The following ATP8B1 variants were observed in gnomAD, a reference collection of about 807,000 sequenced individuals.
The protein encoded by ATP8B1 is phospholipid-transporting ATPase IC.
A neutral mutation model predicts 149.9 loss-of-function variants in ATP8B1; 80 were observed. That is an observed-to-expected ratio of 0.53 (90% CI 0.45 to 0.64). ATP8B1 has a LOEUF of 0.64. ATP8B1 is among the 30% of genes least tolerant of loss of function. ATP8B1 has a pLI of 0.00. For missense variants in ATP8B1, 1,247 were observed against 1,552.6 expected (o/e 0.80, Z 3.31); for synonymous variants, 536 against 562.8 (o/e 0.95, Z 0.67).
intron 16 of ATP8B1, among the ~76,000 whole-genome samples, chr18:57,672,459 T>TA (rs1485080865): frequency 3.3e-5 from 5 of 152,208 alleles, no homozygotes; most frequent in Non-Finnish European, 7.3e-5. Context: ...GTGTAATAGT[T>TA]AAACCTGTAT....
At position 57,652,080 on chromosome 18, in the gene ATP8B1, A is replaced by G. The variant is rs1044664913; in HGVS notation, c.3354T>C (p.His1118=). ...GAAAGAGAACATGTATTCCAGCACTATGAAAGTCAAACATGATGCCAAAAT... is the reference window on the plus strand; with the variant it reads ...GAAAGAGAACATGTATTCCAGCACTGTGAAAGTCAAACATGATGCCAAAAT... ...ALYFGIMFDF[H]SAGIHVLFPS... The change falls in exon 26 of 28, where the codon CAT becomes CAC. Residue 1118 remains histidine, a synonymous_variant. Coordinates refer to ENST00000648908, the MANE Select transcript of ATP8B1 (RefSeq NM_001374385.1). 1.2e-6 allele frequency: 2 copies of G among 1,613,978 alleles called. No homozygotes were observed. The highest frequency in any genetic ancestry group is 1.7e-5 in the Admixed American group (1 of 60,000).
rs796584334 is a variant in ATP8B1, at chr18:57,713,263, C to CTCTT, written c.182-6680_182-6677dup. On this transcript the variant is annotated intron_variant, in intron 2 of 27. Coordinates refer to ENST00000648908, the MANE Select transcript of ATP8B1 (RefSeq NM_001374385.1). ...TCCTTCTTTCTTTCTTTCTTTCTTT[C>CTCTT]TCTTTCTTTCTTTCTTTTTTCTTTC... Among the ~76,000 whole-genome samples, 165 of 94,496 alleles carry CTCTT rather than the reference C, an allele frequency of 1.7e-3. 3 individuals are homozygous for CTCTT. The highest frequency in any genetic ancestry group is 6.7e-3 in the African/African-American group (158 of 23,748). The allele number at this position is 94,496 out of a possible 152,430, so 62.0% of individuals were successfully genotyped here.
chr18:57,650,408 G>A lies in ATP8B1; in HGVS notation c.3490C>T (p.Arg1164Ter), dbSNP rs369054652. 4.3e-6 allele frequency: 7 copies of A among 1,613,772 alleles called. No individual in the cohort carries two copies. Among genetic ancestry groups the A allele is most frequent in the South Asian group, 1.1e-5 (1 of 91,070 alleles). Residue 1164 changes from arginine to a stop codon, truncating the protein, a stop_gained, in exon 27 of 28, where the codon CGA (arginine) becomes TGA (stop). Transcript: ENST00000648908. LOFTEE classifies it high-confidence loss of function. Reference protein sequence around the residue: ...AVCLLPVVAIRFLSMTIWPSE... With the variant: ...AVCLLPVVAI ...GGCCAGATGGTCATTGACAGGAATCGAATGGCAACGACGGGTAGTAAGCAC... is the reference window on the plus strand; with the variant it reads ...GGCCAGATGGTCATTGACAGGAATCAAATGGCAACGACGGGTAGTAAGCAC...
chr18:57,690,898 G>A (rs947544389), intron 12 of ATP8B1, among the ~76,000 whole-genome samples: 6 of 152,106 alleles, frequency 3.9e-5, no homozygotes, highest in African/African-American at 1.2e-4. Flanking sequence ...GAAAAAGGCC[G>A]GGTGTGGTGG....
chr18:57,693,811 GT>G (rs1415058298), intron 11 of ATP8B1, among the ~76,000 whole-genome samples: 2 of 152,146 alleles, frequency 1.3e-5, no homozygotes, highest in Non-Finnish European at 2.9e-5. Context: ...GGAGTCTAGA[GT>G]TTTTTTGTTA....
In ATP8B1 at chr18:57,768,403, A is replaced by G. The variant is rs562796476; in HGVS notation, c.-26+34595T>C. ...CCCTGTCTCAAAAAAAAAAAAAAAA[A>G]AAAAAAAGAAAAGAAAAGAAAAGAA... On this transcript the variant is annotated intron_variant, in intron 1 of 27. Transcript: ENST00000648908. Among the ~76,000 whole-genome samples the G allele has an allele frequency of 6.2e-4, 93 of 149,922 alleles. 1 individual carries two copies. The highest frequency in any genetic ancestry group is 3.2e-3 in the Admixed American group (48 of 15,048).
chr18:57,771,872 G>GA (rs1233171476), intron 1 of ATP8B1, among the ~76,000 whole-genome samples: 4 of 151,994 alleles, frequency 2.6e-5, no homozygotes, highest in Non-Finnish European at 5.9e-5. Flanking sequence ...AAATACCTGG[G>GA]AAAAAACCAG....
chr18:57,669,255 CTT>C (rs1467084901), intron 18 of ATP8B1, 61 bp downstream of exon 18: 11 of 1,481,812 alleles, frequency 7.4e-6, no homozygotes, highest in African/African-American at 1.4e-5. Flanking sequence ...TTCAATAAAA[CTT>C]AATAAAAATT....
chr18:57,777,130 A>G (rs1390710085), intron 1 of ATP8B1, among the ~76,000 whole-genome samples: 1 of 152,088 alleles, frequency 6.6e-6, no homozygotes, highest in African/African-American at 2.4e-5. Context: ...GGCATGTGCC[A>G]CCACACCCAG....
intron 2 of ATP8B1, among the ~76,000 whole-genome samples, chr18:57,729,691 C>A (rs367856054): frequency 6.6e-6 from 1 of 151,972 alleles, no homozygotes; most frequent in East Asian, 1.9e-4. Flanking sequence ...GCTGGGACTA[C>A]AGGCACTTGC....
intron 14 of ATP8B1, among the ~76,000 whole-genome samples, chr18:57,684,616 G>A (rs977949746): frequency 1.3e-5 from 2 of 152,234 alleles, no homozygotes; most frequent in East Asian, 3.9e-4. Context: ...CTCCCAAAGT[G>A]CTGGGATTAC....
intron 22 of ATP8B1, among the ~76,000 whole-genome samples, chr18:57,657,402 A>T (rs1209855924): frequency 1.3e-5 from 2 of 152,210 alleles, no homozygotes; most frequent in Non-Finnish European, 2.9e-5. Flanking sequence ...AGACAAGATC[A>T]TTTAGAAAAG....
At position 57,784,649 on chromosome 18, in the gene ATP8B1, G is replaced by A. The variant is rs2080389911; in HGVS notation, c.-26+18349C>T. ...TTCAATGCTCGAGGTGCTGTGTTTA[G>A]GGGCATGCAGGAGAGTATTATGAAA... On this transcript the variant is annotated intron_variant, in intron 1 of 27. Coordinates refer to ENST00000648908, the MANE Select transcript of ATP8B1 (RefSeq NM_001374385.1). The surrounding 1 kb of genome is among the most constrained non-coding windows in gnomAD (Gnocchi z 4.4). Among the ~76,000 whole-genome samples the A allele has an allele frequency of 6.6e-6, 1 of 151,868 alleles. No homozygotes were observed. Among genetic ancestry groups the A allele is most frequent in the Non-Finnish European group, 1.5e-5 (1 of 68,032 alleles).
rs146405857 is a variant in ATP8B1, at chr18:57,648,517, C to T, written c.3727G>A (p.Ala1243Thr). ...PLDAIVADGT[A>T]EYRRTGDS is the part of the protein sequence containing the mutation. ...CTGTCCCCGGTGCGCCTGTACTCCG[C>T]GGTGCCATCCGCCACGATGGCATCA... is the stretch of plus-strand genomic sequence containing the variant. Residue 1243 changes from alanine to threonine, a missense_variant, in exon 28 of 28, where the codon GCG becomes ACG. This residue lies in a region of ATP8B1 where 164 missense variants were observed against 160.3 expected (regional missense o/e 1.02). Coordinates refer to ENST00000648908, the MANE Select transcript of ATP8B1 (RefSeq NM_001374385.1). 2.6e-5 allele frequency: 42 copies of T among 1,611,264 alleles called. No individual in the cohort carries two copies. The highest frequency in any genetic ancestry group is 2.3e-4 in the Admixed American group (14 of 60,014).
At chr18:57,701,424 A>T (rs1479029485) in intron 4 of ATP8B1, 111 bp from the exon 5 acceptor site, 3 of 906,984 alleles carry the variant, frequency 3.3e-6, no homozygotes, top group South Asian at 1.4e-5. Context: ...CCGTCATCAC[A>T]TAAGTCTACA....
intron 1 of ATP8B1, among the ~76,000 whole-genome samples, chr18:57,766,201 G>A (rs930506212): frequency 3.3e-5 from 5 of 151,270 alleles, no homozygotes; most frequent in Admixed American, 6.6e-5. Context: ...CTGCCACCAC[G>A]CCTGGCTGAT....
intron 2 of ATP8B1, among the ~76,000 whole-genome samples, chr18:57,725,340 T>G (rs1440967447): frequency 6.6e-6 from 1 of 152,100 alleles, no homozygotes; most frequent in African/African-American, 2.4e-5. Flanking sequence ...AAAAGATCTC[T>G]GCAATCAAAA....
chr18:57,691,916 A>G lies in ATP8B1; in HGVS notation c.1111T>C (p.Trp371Arg). ...YWEAQVGNSS[W>R]YLYDGEDDTP... Reference sequence around the variant, plus strand: ...TCGTCTTCTCCATCATAGAGGTACCAAGAGGAATTGCCCACCTGTGCTTCC... The same window carrying G: ...TCGTCTTCTCCATCATAGAGGTACCGAGAGGAATTGCCCACCTGTGCTTCC... Residue 371 changes from tryptophan (W) to arginine (R), a missense_variant, in exon 12 of 28, where the codon TGG becomes CGG. Trp to Arg is a moderately radical substitution (Grantham distance 101). Coordinates refer to ENST00000648908, the MANE Select transcript of ATP8B1 (RefSeq NM_001374385.1). 2.5e-6 allele frequency: 4 copies of G among 1,614,198 alleles called. No homozygotes were observed. The highest frequency in any genetic ancestry group is 3.4e-6 in the Non-Finnish European group (4 of 1,180,034).
intron 1 of ATP8B1, among the ~76,000 whole-genome samples, chr18:57,795,138 C>A (rs1320651373): frequency 6.6e-6 from 1 of 152,038 alleles, no homozygotes; most frequent in African/African-American, 2.4e-5. Context: ...GTGACTCACA[C>A]CTGTCATCTC....
Sources: allele counts gnomAD v4.1 joint callset (sites outside exome capture counted in the v4.1 genomes callset), GRCh38; gene constraint gnomAD v4.1.1; regional missense constraint gnomAD v4.1.1; non-coding constraint Gnocchi (gnomAD v3.1); transcripts MANE v1.5; gene names NCBI Gene and HGNC (gene_info 2026-07-23, HGNC 2026-07-21).